The following EDARADD variants were observed in gnomAD, a reference collection of about 807,000 sequenced individuals.
The protein encoded by EDARADD is ectodysplasin-A receptor-associated adapter protein.
A neutral mutation model predicts 25.6 loss-of-function variants in EDARADD; 20 were observed. That is an observed-to-expected ratio of 0.78 (90% confidence interval 0.55 to 1.14). EDARADD has a LOEUF of 1.14. EDARADD is among the 50% of genes most tolerant of loss of function. The pLI, the probability that EDARADD is intolerant of heterozygous loss-of-function variation, is 0.00. For synonymous variants in EDARADD, 86 were observed against 94.4 expected, an observed-to-expected ratio of 0.91 and a Z score of 0.52; for missense variants, 225 against 270.1, an observed-to-expected ratio of 0.83 and a Z score of 1.17.
chr1:236,447,088 G>A (rs999306555), intron 4 of EDARADD, among the ~76,000 whole-genome samples: 2 of 152,084 alleles, frequency 1.3e-5, no homozygotes, highest in Non-Finnish European at 2.9e-5. Flanking sequence ...ACCCTGGGCA[G>A]TGCCTCTTCT....
chr1:236,368,523 C>A (rs1050805348), intron 3 of EDARADD, among the ~76,000 whole-genome samples: 3 of 149,140 alleles, frequency 2.0e-5, no homozygotes, highest in African/African-American at 7.4e-5. Flanking sequence ...TCACTGCAAC[C>A]TCTGCCTCCC....
intron 2 of EDARADD, among the ~76,000 whole-genome samples, chr1:236,410,686 A>C (rs1014502811): frequency 2.6e-5 from 4 of 152,246 alleles, no homozygotes; most frequent in Admixed American, 2.6e-4. Context: ...AGATCCTCAG[A>C]GGATGGGATC....
At chr1:236,393,999 T>C (rs933256245), upstream of EDARADD, among the ~76,000 whole-genome samples, 1 of 57,040 alleles carries the variant, frequency 1.8e-5, no homozygotes, top group Non-Finnish European at 4.7e-5. Context: ...TCAATCTTCC[T>C]TAAAAAAAAA....
chr1:236,378,849 G>T (rs1460347023), intron 3 of EDARADD, among the ~76,000 whole-genome samples: 1 of 151,446 alleles, frequency 6.6e-6, no homozygotes, highest in Non-Finnish European at 1.5e-5. Flanking sequence ...CTTCTTTTTT[G>T]GATTATTTTC....
intron 5 of EDARADD, among the ~76,000 whole-genome samples, chr1:236,475,426 C>T (rs1290602368): frequency 6.6e-6 from 1 of 152,148 alleles, no homozygotes; most frequent in African/African-American, 2.4e-5. Flanking sequence ...ATTAGCAGTT[C>T]ATGTAGATTC....
At chr1:236,453,365 C>T (rs1252459472) in intron 4 of EDARADD, among the ~76,000 whole-genome samples, 1 of 151,558 alleles carries the variant, frequency 6.6e-6, no homozygotes, top group Non-Finnish European at 1.5e-5. Context: ...CAGCCTCCAC[C>T]TCCCAGGTTC....
At chr1:236,389,869 C>T (rs1335669940), upstream of EDARADD, among the ~76,000 whole-genome samples, 4 of 152,108 alleles carry the variant, frequency 2.6e-5, no homozygotes, top group South Asian at 2.1e-4. Context: ...ATTGGCCAGG[C>T]GTGGTGGGGT....
At chr1:236,366,534 G>C (rs982474445) in intron 3 of EDARADD, among the ~76,000 whole-genome samples, 2 of 152,022 alleles carry the variant, frequency 1.3e-5, no homozygotes, top group Non-Finnish European at 2.9e-5. Flanking sequence ...ACTGAGTACT[G>C]AAGGAAACCC....
chr1:236,422,193 G>C (rs913796304), intron 3 of EDARADD, among the ~76,000 whole-genome samples: 3 of 152,210 alleles, frequency 2.0e-5, no homozygotes, highest in Non-Finnish European at 4.4e-5. Flanking sequence ...CCTGCTGCCT[G>C]ATATGAGAGG....
At chr1:236,379,600 G>A (rs749720232) in intron 3 of EDARADD, among the ~76,000 whole-genome samples, 12 of 151,882 alleles carry the variant, frequency 7.9e-5, no homozygotes, top group Non-Finnish European at 1.3e-4. Context: ...CCAACACGGC[G>A]AAACACCATC....
At chr1:236,371,114 C>G (rs1228657482) in intron 3 of EDARADD, among the ~76,000 whole-genome samples, 4 of 152,294 alleles carry the variant, frequency 2.6e-5, no homozygotes, top group East Asian at 1.9e-4. Context: ...GCATAGTACC[C>G]CCCAAGAAAC....
chr1:236,470,863 C>T (rs957811965), intron 5 of EDARADD, among the ~76,000 whole-genome samples: 5 of 152,198 alleles, frequency 3.3e-5, no homozygotes, highest in Non-Finnish European at 7.3e-5. Context: ...CCACCTCAGC[C>T]TCCCAAAGTG....
At chr1:236,386,686 C>T (rs1667355671) in intron 3 of EDARADD, among the ~76,000 whole-genome samples, 1 of 23,526 alleles carries the variant, frequency 4.3e-5, no homozygotes, top group Non-Finnish European at 9.2e-5. Context: ...GCAACCGCCC[C>T]GTCTGAGAAG....
chr1:236,454,619 A>C (rs1410207705), intron 4 of EDARADD, among the ~76,000 whole-genome samples: 7 of 152,208 alleles, frequency 4.6e-5, no homozygotes, highest in African/African-American at 7.2e-5. Context: ...GGCATCTTAA[A>C]GCCGAAGGGA....
chr1:236,447,200 C>CTT (rs1401936366), intron 4 of EDARADD, among the ~76,000 whole-genome samples: 1 of 56,242 alleles, frequency 1.8e-5, no homozygotes, highest in African/African-American at 6.9e-5. Context: ...TTCTTTCTTT[C>CTT]TTTCTTTCTT....
In EDARADD at chr1:236,484,372, G is replaced by T. The variant is rs940030231; in HGVS notation, c.*1723G>T. On this transcript the variant is annotated 3_prime_UTR_variant, in exon 6 of 6. Coordinates refer to ENST00000334232, the MANE Select transcript of EDARADD (RefSeq NM_145861.4). This position sits in a 1 kb window ranked among gnomAD's most constrained non-coding sequence, Gnocchi z 4.1. ...ACTGGTGCCCCTTGCTGATCTGAGCGCTTGGCCAAGTACAACCAGCTCCTC... is the reference window on the plus strand; with the variant it reads ...ACTGGTGCCCCTTGCTGATCTGAGCTCTTGGCCAAGTACAACCAGCTCCTC... 1.7e-5 allele frequency: 27 copies of T among 1,576,006 alleles called. No individual in the cohort carries two copies. Among genetic ancestry groups the T allele is most frequent in the Non-Finnish European group, 2.0e-5 (23 of 1,146,422 alleles).
At chr1:236,408,709 T>C (rs1314724485) in intron 1 of EDARADD, among the ~76,000 whole-genome samples, 1 of 151,940 alleles carries the variant, frequency 6.6e-6, no homozygotes, top group Non-Finnish European at 1.5e-5. Flanking sequence ...TGCCACTGAG[T>C]GTACTCCAGC....
At chr1:236,375,205 C>T (rs1057409940) in intron 3 of EDARADD, among the ~76,000 whole-genome samples, 1 of 152,028 alleles carries the variant, frequency 6.6e-6, no homozygotes, top group Admixed American at 6.6e-5. Context: ...ACAAAATAAT[C>T]CTTATTCTTC....
chr1:236,474,430 C>T (rs1659449581), intron 5 of EDARADD, among the ~76,000 whole-genome samples: 1 of 152,126 alleles, frequency 6.6e-6, no homozygotes. Flanking sequence ...TTCATTCTTG[C>T]TTTGCACCAG....
Sources: allele counts gnomAD v4.1 joint callset (sites outside exome capture counted in the v4.1 genomes callset), GRCh38; gene constraint gnomAD v4.1.1; non-coding constraint Gnocchi (gnomAD v3.1); transcripts MANE v1.5; gene names NCBI Gene and HGNC (gene_info 2026-07-23, HGNC 2026-07-21).